Variants in ZCCHC10 observed in about 807,000 individuals in gnomAD.
ZCCHC10 encodes the protein zinc finger CCHC domain-containing protein 10.
A neutral mutation model predicts 19.5 loss-of-function variants in ZCCHC10; 16 were observed. The ratio of observed to expected loss-of-function variants is 0.82; its 90% CI spans 0.56 to 1.25. The LOEUF (loss-of-function observed/expected upper bound fraction) is 1.25, where lower values mean the gene tolerates loss of function less well. Ranked by LOEUF, ZCCHC10 falls within the 50% of genes most tolerant of loss-of-function variation. ZCCHC10 has a pLI of 0.00. For synonymous variants in ZCCHC10, 67 were observed against 72.5 expected, an observed-to-expected ratio of 0.92 and a Z score of 0.38; for missense variants, 197 against 201.0, an observed-to-expected ratio of 0.98 and a Z score of 0.12.
chr5:133,010,139 C>T (rs969401314), intron 2 of ZCCHC10, among the ~76,000 whole-genome samples: 1 of 151,510 alleles, frequency 6.6e-6, no homozygotes, highest in Admixed American at 6.6e-5. Flanking sequence ...GCCTCTGCCC[C>T]CCAGGTTCAA....
rs1762550952 is a variant in ZCCHC10 at position 132,998,377 on chromosome 5, AAAC to A, written c.*203_*205del. On this transcript the variant is annotated 3_prime_UTR_variant, in exon 5 of 5. Coordinates refer to ENST00000509437, the MANE Select transcript of ZCCHC10 (RefSeq NM_001300816.3). ...TAGAGATATATTTTAAAGATAAAAA[AAAC>A]AAGATTCACCCTTCAAATAAAAGTC... The A allele has an allele frequency of 2.0e-6, 1 of 493,748 alleles. No homozygotes were observed. Among genetic ancestry groups the A allele is most frequent in the African/African-American group, 1.9e-5 (1 of 51,944 alleles). The allele number at this position is 493,748 out of a possible 1,614,324, so 30.6% of individuals were successfully genotyped here. A position where few individuals can be genotyped will look rare whatever the true frequency, so the allele number is the denominator to read the frequency against.
At chr5:133,006,661 A>G in intron 3 of ZCCHC10, 98 bp downstream of exon 3, 1 of 1,190,326 alleles carries the variant, frequency 8.4e-7, no homozygotes, top group Non-Finnish European at 1.1e-6. Flanking sequence ...TAACATTATA[A>G]TTAAAATCTG....
At chr5:133,014,960 G>T (rs1763821180) in intron 2 of ZCCHC10, among the ~76,000 whole-genome samples, 1 of 152,116 alleles carries the variant, frequency 6.6e-6, no homozygotes, top group African/African-American at 2.4e-5. Flanking sequence ...AAGTGATGCT[G>T]TGTACTTCTC....
chr5:132,998,916 C>T, intron 4 of ZCCHC10, 66 bp from the exon 5 acceptor site: 1 of 1,559,624 alleles, frequency 6.4e-7, no homozygotes, highest in East Asian at 2.3e-5. Flanking sequence ...AAAGCAATTT[C>T]ATTTTTTTTT....
chr5:133,003,011 C>T (rs369124516), intron 3 of ZCCHC10: 6 of 170,794 alleles, frequency 3.5e-5, no homozygotes, highest in South Asian at 1.3e-4. Context: ...TGAGCCACCA[C>T]GCCCGGCCTT....
chr5:132,999,237 A>G lies in ZCCHC10; in HGVS notation c.312-387T>C, dbSNP rs535511989. On this transcript the variant is annotated intron_variant, in intron 4 of 4. Transcript: ENST00000509437. ...CGCGCCCAGCCAAAAGCGATTTCAT[A>G]TGATTCCATATATATGCTTATATAT... Among the ~76,000 whole-genome samples, 90 of 152,218 alleles carry G rather than the reference A, an allele frequency of 5.9e-4. 1 individual carries two copies. Among genetic ancestry groups the G allele is most frequent in the African/African-American group, 2.1e-3 (87 of 41,544 alleles).
chr5:132,997,652 T>C lies in ZCCHC10; in HGVS notation c.*931A>G, dbSNP rs929888030. ...AACTATAATACCATATTTTCAAAAA[T>C]AGCAAAAAGCAATCTTTATGAAAGC... On this transcript the variant is annotated 3_prime_UTR_variant, in exon 5 of 5. Transcript: ENST00000509437. 6.6e-6 allele frequency: 1 copy of C among 152,132 alleles called. No individual in the cohort carries two copies. Among genetic ancestry groups the C allele is most frequent in the African/African-American group, 2.4e-5 (1 of 41,456 alleles). The allele number at this position is 152,132 out of a possible 1,614,324, so 9.4% of individuals were successfully genotyped here. A position where few individuals can be genotyped will look rare whatever the true frequency, so the allele number is the denominator to read the frequency against.
At chr5:133,024,769 G>A (rs1040934859) in intron 1 of ZCCHC10, among the ~76,000 whole-genome samples, 7 of 152,126 alleles carry the variant, frequency 4.6e-5, no homozygotes, top group African/African-American at 1.7e-4. Flanking sequence ...AGGGCATGGT[G>A]GCGGACGCCT....
At chr5:133,011,116 TA>T (rs920759088) in intron 2 of ZCCHC10, among the ~76,000 whole-genome samples, 27 of 151,510 alleles carry the variant, frequency 1.8e-4, no homozygotes, top group African/African-American at 6.5e-4. Context: ...AATTTAAAAA[TA>T]TTTTTTTTTT....
chr5:133,006,683 T>C (rs761912462), intron 3 of ZCCHC10, 76 bp downstream of exon 3: 56 of 1,370,228 alleles, frequency 4.1e-5, no homozygotes, highest in Non-Finnish European at 4.4e-5. Context: ...AGAACCACCA[T>C]GAAACGTTTG....
intron 2 of ZCCHC10, among the ~76,000 whole-genome samples, chr5:133,009,117 C>G (rs1360213575): frequency 6.6e-6 from 1 of 152,072 alleles, no homozygotes; most frequent in Non-Finnish European, 1.5e-5. Flanking sequence ...ATTCTCCTGC[C>G]TCAGCCTCCT....
At chr5:133,012,836 G>A (rs1314062579) in intron 2 of ZCCHC10, among the ~76,000 whole-genome samples, 1 of 152,046 alleles carries the variant, frequency 6.6e-6, no homozygotes, top group Non-Finnish European at 1.5e-5. Flanking sequence ...GGATTACAAG[G>A]TCAGGAGATG....
At chr5:133,011,995 G>T (rs1763570286) in intron 2 of ZCCHC10, among the ~76,000 whole-genome samples, 1 of 151,724 alleles carries the variant, frequency 6.6e-6, no homozygotes, top group African/African-American at 2.4e-5. Flanking sequence ...CATTATCTGA[G>T]CATGGTGGCA....
At chr5:133,025,621 A>G (rs1258514154) in intron 1 of ZCCHC10, among the ~76,000 whole-genome samples, 2 of 151,202 alleles carry the variant, frequency 1.3e-5, no homozygotes, top group East Asian at 1.9e-4. Flanking sequence ...CGTAATGGCT[A>G]TCTTTCAGTT....
intron 2 of ZCCHC10, among the ~76,000 whole-genome samples, chr5:133,014,345 G>C (rs927700113): frequency 6.6e-6 from 1 of 151,896 alleles, no homozygotes; most frequent in South Asian, 2.1e-4. Context: ...TGTATTTTTA[G>C]TAAAGGGGGG....
chr5:133,019,681 G>A (rs1050593291), intron 2 of ZCCHC10, among the ~76,000 whole-genome samples: 1 of 152,168 alleles, frequency 6.6e-6, no homozygotes, highest in African/African-American at 2.4e-5. Context: ...CCAGCTGGGT[G>A]CAGTGACTCA....
intron 3 of ZCCHC10, among the ~76,000 whole-genome samples, chr5:133,002,814 G>T (rs11750144): frequency 2.7e-5 from 4 of 148,696 alleles, no homozygotes; most frequent in Non-Finnish European, 6.1e-5. Flanking sequence ...CTGCCTCCTG[G>T]GTTCAAGCAA....
chr5:133,003,960 T>C lies in ZCCHC10; in HGVS notation c.269+2799A>G, dbSNP rs141105642. ...CCTGACCTCGAGTGATCCACCCACCTCGGCCTCCCATAGTGCTGGAATTAC... is the reference window on the plus strand; with the variant it reads ...CCTGACCTCGAGTGATCCACCCACCCCGGCCTCCCATAGTGCTGGAATTAC... On this transcript the variant is annotated intron_variant, in intron 3 of 4. Coordinates refer to ENST00000509437, the MANE Select transcript of ZCCHC10 (RefSeq NM_001300816.3). Among the ~76,000 whole-genome samples, 309 of 152,244 alleles carry C rather than the reference T, an allele frequency of 2.0e-3. 3 individuals carry two copies. The highest frequency in any genetic ancestry group is 7.1e-3 in the African/African-American group (294 of 41,554).
chr5:133,011,693 TAGAG>T (rs1763546027), intron 2 of ZCCHC10, among the ~76,000 whole-genome samples: 1 of 134,642 alleles, frequency 7.4e-6, no homozygotes. Flanking sequence ...GCTAAACAAA[TAGAG>T]AGATATACCA....
Sources: allele counts gnomAD v4.1 joint callset (sites outside exome capture counted in the v4.1 genomes callset), GRCh38; gene constraint gnomAD v4.1.1; transcripts MANE v1.5; gene names NCBI Gene and HGNC (gene_info 2026-07-23, HGNC 2026-07-21).